KYAT3: variants seen among roughly 807,000 people sequenced by gnomAD.
KYAT3 encodes kynurenine--oxoglutarate transaminase 3.
Under a neutral mutation model 59.0 loss-of-function variants are expected in KYAT3, and 50 were observed. That is an observed-to-expected ratio of 0.85 (90% CI 0.68 to 1.07). The LOEUF is 1.07. Ranked by LOEUF, KYAT3 falls within the 50% of genes least tolerant of loss-of-function variation. The pLI is 0.00. For synonymous variants in KYAT3, 148 were observed against 177.0 expected (o/e 0.84, Z 1.30); for missense variants, 497 against 533.3 (o/e 0.93, Z 0.67).
chr1:88,970,835 A>G (rs1396485568), intron 2 of KYAT3, among the ~76,000 whole-genome samples: 2 of 152,192 alleles, frequency 1.3e-5, no homozygotes, highest in Non-Finnish European at 2.9e-5. Flanking sequence ...TTTTAATTCA[A>G]TCTGGGAAGA....
rs560040968 is a variant in KYAT3 at position 88,968,411 on chromosome 1, C to T, written c.303+259G>A. The stretch of plus-strand genomic sequence containing the variant: ...GTCTCAAGAGAATGTTGTTCCTTAT[C>T]GTGTTGCCATAGGATCCTATCTTGG... On this transcript the variant is annotated intron_variant, in intron 4 of 13. Coordinates refer to ENST00000260508, the MANE Select transcript of KYAT3 (RefSeq NM_001008661.3). Among the ~76,000 whole-genome samples, 8 of 152,224 alleles carry T rather than the reference C, an allele frequency of 5.3e-5. No homozygotes were observed. In the East Asian group the frequency reaches 1.4e-3, roughly 26 times the overall value.
chr1:88,961,621 GAATA>G (rs1185038582), intron 6 of KYAT3, 115 bp from the exon 7 acceptor site: 1 of 873,198 alleles, frequency 1.1e-6, no homozygotes. Context: ...AAAGGAAACT[GAATA>G]AATTACCAAC....
At chr1:88,983,532 G>A (rs771824358) in intron 2 of KYAT3, 4 of 1,614,190 alleles carry the variant, frequency 2.5e-6, no homozygotes, top group Admixed American at 3.3e-5. Context: ...CTTCTTGGAG[G>A]TGGGGGCGGT....
chr1:88,986,897 G>A (rs190743535), intron 2 of KYAT3, among the ~76,000 whole-genome samples: 6 of 152,222 alleles, frequency 3.9e-5, no homozygotes, highest in South Asian at 2.1e-4. Flanking sequence ...ATCCCTGTGC[G>A]ACTATTTTAA....
intron 2 of KYAT3, chr1:88,984,039 G>T (rs1227210112): frequency 2.1e-6 from 1 of 471,870 alleles, no homozygotes; most frequent in East Asian, 3.3e-5. Flanking sequence ...TTTGCCACTA[G>T]ATGGCAGAGG....
At chr1:88,942,885 G>T (rs922452871) in intron 13 of KYAT3, 120 bp downstream of exon 13, 1 of 779,224 alleles carries the variant, frequency 1.3e-6, no homozygotes. Context: ...TTTTAAAGCC[G>T]TAAGCCAAAA....
intron 2 of KYAT3, among the ~76,000 whole-genome samples, chr1:88,985,035 T>C (rs1677367929): frequency 6.6e-6 from 1 of 152,242 alleles, no homozygotes; most frequent in South Asian, 2.1e-4. Context: ...TTCTGAAAAT[T>C]ATATTTTAAC....
At position 88,968,747 on chromosome 1, in the gene KYAT3, A is replaced by G. The variant is rs1676440147; in HGVS notation, c.226T>C (p.Ser76Pro). 6.2e-7 allele frequency: 1 copy of G among 1,601,724 alleles called. No individual in the cohort carries two copies. The highest frequency in any genetic ancestry group is 8.5e-7 in the Non-Finnish European group (1 of 1,176,438). The change falls in exon 4 of 14, where the codon TCC becomes CCC. Residue 76 changes from serine to proline, a missense_variant. Physicochemically the swap from Ser to Pro is moderately conservative, Grantham distance 74 (BLOSUM62 -1). Around this residue, in one of 2 missense-constraint regions of KYAT3, gnomAD observed 469 missense variants for 479.1 expected, o/e 0.98. Transcript: ENST00000260508. The part of the protein sequence containing the change: ...VNLGQGFPDI[S>P]PPTYVKEELS... ...TCTTCTTTTACATATGTAGGAGGGGATATATCTGGAAAGCCTTGGCCAAGA... is the reference window on the plus strand; with the variant it reads ...TCTTCTTTTACATATGTAGGAGGGGGTATATCTGGAAAGCCTTGGCCAAGA...
intron 13 of KYAT3, among the ~76,000 whole-genome samples, chr1:88,937,482 A>G (rs1675083543): frequency 6.6e-6 from 1 of 152,194 alleles, no homozygotes; most frequent in Non-Finnish European, 1.5e-5. Context: ...AGTAATAATA[A>G]TAATAAATTA....
chr1:88,960,088 A>G (rs1331569902), intron 8 of KYAT3, among the ~76,000 whole-genome samples: 3 of 149,702 alleles, frequency 2.0e-5, no homozygotes, highest in African/African-American at 7.3e-5. Flanking sequence ...ACAGACCACC[A>G]TACCTGGTTG....
chr1:88,984,916 A>G (rs981271279), intron 2 of KYAT3, among the ~76,000 whole-genome samples: 2 of 152,186 alleles, frequency 1.3e-5, no homozygotes, highest in East Asian at 1.9e-4. Flanking sequence ...TTGACTTTCC[A>G]TATGTACTGG....
At chr1:88,961,722 C>T (rs1161998324) in intron 6 of KYAT3, among the ~76,000 whole-genome samples, 2 of 152,124 alleles carry the variant, frequency 1.3e-5, no homozygotes, top group African/African-American at 4.8e-5. Flanking sequence ...TGTAGTTCTG[C>T]TTAAGAGCCT....
intron 2 of KYAT3, among the ~76,000 whole-genome samples, chr1:88,986,878 T>C (rs1393743529): frequency 6.6e-6 from 1 of 152,214 alleles, no homozygotes; most frequent in Admixed American, 6.5e-5. Context: ...AGGAAGAATA[T>C]TTATCTTTAT....
intron 13 of KYAT3, among the ~76,000 whole-genome samples, chr1:88,939,862 A>T (rs762494950): frequency 2.4e-4 from 37 of 151,972 alleles, no homozygotes; most frequent in Non-Finnish European, 4.6e-4. Context: ...TTCTTATAAT[A>T]TCTTACTCTA....
At chr1:88,969,706 A>T (rs1290396052) in intron 2 of KYAT3, among the ~76,000 whole-genome samples, 2 of 151,240 alleles carry the variant, frequency 1.3e-5, no homozygotes, top group Admixed American at 1.3e-4. Context: ...CAGTGGTGTG[A>T]TCATGGCTCA....
the KYAT3 span, among the ~76,000 whole-genome samples, chr1:88,928,535 G>A: frequency 6.2e-4 from 95 of 152,290 alleles, no homozygotes; most frequent in African/African-American, 2.2e-3. Flanking sequence ...CCAAGTAGAA[G>A]TAAGCCACCC....
At chr1:88,968,910 A>T (rs1570810595) in intron 3 of KYAT3, 96 bp from the exon 4 acceptor site, 4 of 926,898 alleles carry the variant, frequency 4.3e-6, no homozygotes, top group Non-Finnish European at 6.3e-6. Context: ...GACAAATAAG[A>T]CCCTAGTTTA....
At chr1:88,989,813 C>T (rs1258942546) in intron 1 of KYAT3, among the ~76,000 whole-genome samples, 4 of 152,102 alleles carry the variant, frequency 2.6e-5, no homozygotes. Flanking sequence ...AATCCCAAAC[C>T]CCTCTCTCCT....
At chr1:88,958,497 AG>A (rs1241242012) in intron 8 of KYAT3, among the ~76,000 whole-genome samples, 6 of 152,196 alleles carry the variant, frequency 3.9e-5, no homozygotes, top group Non-Finnish European at 5.9e-5. Context: ...TCTCAAAGTA[AG>A]CTCACTGGCA....
Sources: allele counts gnomAD v4.1 joint callset (sites outside exome capture counted in the v4.1 genomes callset), GRCh38; gene constraint gnomAD v4.1.1; regional missense constraint gnomAD v4.1.1; transcripts MANE v1.5; gene names NCBI Gene and HGNC (gene_info 2026-07-23, HGNC 2026-07-21).